SDK1: variants seen among roughly 807,000 people sequenced by gnomAD.
SDK1 encodes the protein sidekick cell adhesion molecule 1, also known as protein sidekick-1.
In SDK1, 157 loss-of-function variants were observed where a neutral mutation model predicts 245.5. The observed-to-expected ratio is 0.64, with a 90% confidence interval of 0.56 to 0.73. The LOEUF (loss-of-function observed/expected upper bound fraction) is 0.73. Ranked by LOEUF, SDK1 falls within the 30% of genes least tolerant of loss-of-function variation. SDK1 has a pLI of 0.00. For synonymous variants in SDK1, 1,647 were observed against 1,278.5 expected, an observed-to-expected ratio of 1.29 and a Z score of -6.15; for missense variants, 3,583 against 3,002.3, an observed-to-expected ratio of 1.19 and a Z score of -4.52.
chr7:3,603,755 T>G (rs1203513344), intron 1 of SDK1, among the ~76,000 whole-genome samples: 2 of 152,188 alleles, frequency 1.3e-5, no homozygotes, highest in Non-Finnish European at 2.9e-5. Flanking sequence ...ATCCCTGTCT[T>G]GTGCCCGTTT....
chr7:3,417,096 C>T (rs1779387818), intron 1 of SDK1, among the ~76,000 whole-genome samples: 1 of 152,100 alleles, frequency 6.6e-6, no homozygotes, highest in Admixed American at 6.6e-5. Context: ...ATCCCCTGAA[C>T]CCAGGAGGTG....
At position 3,642,100 on chromosome 7, in the gene SDK1, C is replaced by T; in HGVS notation, c.708C>T (p.Asn236=). The change falls in exon 4 of 45, where the codon AAC becomes AAT. Residue 236 remains asparagine (N), a synonymous_variant. Transcript: ENST00000404826. Reference sequence around the variant, plus strand: ...AAGGGCACAAGATTATTCCAAGCAACAGAATGTAAGTTGCTCCAAACGTTA... The same window carrying T: ...AAGGGCACAAGATTATTCCAAGCAATAGAATGTAAGTTGCTCCAAACGTTA... The part of the protein sequence containing the change: ...FREGHKIIPS[N]RIAITLENQL... The T allele has an allele frequency of 6.2e-7, 1 of 1,613,964 alleles. No individual in the cohort carries two copies.
At chr7:3,722,184 T>G (rs1030879801) in intron 4 of SDK1, among the ~76,000 whole-genome samples, 1 of 152,078 alleles carries the variant, frequency 6.6e-6, no homozygotes, top group Admixed American at 6.5e-5. Flanking sequence ...CAGCCCAGGT[T>G]AGCAGTAAAT....
intron 4 of SDK1, among the ~76,000 whole-genome samples, chr7:3,768,542 A>T (rs189012540): frequency 1.3e-5 from 2 of 152,336 alleles, no homozygotes; most frequent in Admixed American, 6.5e-5. Context: ...ATCTGAATGG[A>T]TAGTGCAGGC....
Position 4,233,877 on chromosome 7 carries a change from G to T in SDK1, c.5992+458G>T, listed in dbSNP as rs148865197. ...CTTATGGGCTTTGTGTCCACGCTGT[G>T]CACCGGCAATTCCTAATGTGTTTCC... On this transcript the variant is annotated intron_variant, in intron 41 of 44. Transcript: ENST00000404826. Among the ~76,000 whole-genome samples, 969 of 152,266 alleles carry T rather than the reference G, an allele frequency of 6.4e-3. 7 individuals are homozygous for T. Among genetic ancestry groups the T allele is most frequent in the African/African-American group, 0.022 (910 of 41,542 alleles).
chr7:3,552,752 G>C (rs771235011), intron 1 of SDK1, among the ~76,000 whole-genome samples: 1 of 152,156 alleles, frequency 6.6e-6, no homozygotes, highest in Non-Finnish European at 1.5e-5. Flanking sequence ...GGAAATGAAA[G>C]ACTTTGAAAT....
intron 5 of SDK1, among the ~76,000 whole-genome samples, chr7:3,879,133 C>T (rs548378023): frequency 3.2e-4 from 48 of 151,386 alleles, no homozygotes; most frequent in African/African-American, 8.7e-4. Context: ...ATTCTGTGTG[C>T]GGTAACTTGC....
At chr7:3,810,719 A>G (rs1429438446) in intron 4 of SDK1, among the ~76,000 whole-genome samples, 3 of 152,194 alleles carry the variant, frequency 2.0e-5, no homozygotes, top group East Asian at 3.8e-4. Flanking sequence ...CATCTTTCCT[A>G]AAGGAAAAGA....
At chr7:3,418,962 G>A (rs750944949) in intron 1 of SDK1, among the ~76,000 whole-genome samples, 1 of 152,220 alleles carries the variant, frequency 6.6e-6, no homozygotes, top group Admixed American at 6.5e-5. Context: ...GTTAGCTCTT[G>A]TAGGGACCAT....
chr7:4,133,374 G>A (rs948899435), intron 28 of SDK1, among the ~76,000 whole-genome samples: 2 of 152,232 alleles, frequency 1.3e-5, no homozygotes, highest in Non-Finnish European at 2.9e-5. Flanking sequence ...CGTATGTACA[G>A]TGGGGGGTGA....
chr7:3,887,887 AAGATTTGCTGGTATTGGGTT>A (rs1781374416), intron 5 of SDK1, among the ~76,000 whole-genome samples: 2 of 152,224 alleles, frequency 1.3e-5, no homozygotes, highest in Admixed American at 1.3e-4. Context: ...CAACTGACGT[AAGATTTGCTGGTATTGGGTT>A]TTCTGCAAAT....
chr7:3,349,361 A>T (rs1043823461), intron 1 of SDK1, among the ~76,000 whole-genome samples: 1 of 152,030 alleles, frequency 6.6e-6, no homozygotes, highest in African/African-American at 2.4e-5. Context: ...TACTCATCTG[A>T]AAAAGAAGCC....
chr7:4,007,264 A>G (rs911033575), intron 14 of SDK1, among the ~76,000 whole-genome samples: 5 of 152,200 alleles, frequency 3.3e-5, no homozygotes, highest in Non-Finnish European at 7.3e-5. Context: ...GTAGCCTCAG[A>G]GCGGGTTTCA....
intron 1 of SDK1, among the ~76,000 whole-genome samples, chr7:3,451,235 A>G (rs1007909950): frequency 6.6e-6 from 1 of 152,054 alleles, no homozygotes; most frequent in Non-Finnish European, 1.5e-5. Flanking sequence ...GAAAGGGGCA[A>G]TTGTTGTGAA....
At chr7:4,259,903 C>T (rs1787872795) in intron 44 of SDK1, among the ~76,000 whole-genome samples, 1 of 152,206 alleles carries the variant, frequency 6.6e-6, no homozygotes, top group Non-Finnish European at 1.5e-5. Flanking sequence ...CACCCAGCCT[C>T]TCTCGCTGAG....
At chr7:4,112,605 C>G (rs1783419156) in intron 23 of SDK1, among the ~76,000 whole-genome samples, 2 of 152,152 alleles carry the variant, frequency 1.3e-5, no homozygotes, top group Admixed American at 6.5e-5. Flanking sequence ...TTATCCTAAA[C>G]TTGAATCAGG....
At chr7:4,232,411 C>CTT (rs71032930) in intron 40 of SDK1, among the ~76,000 whole-genome samples, 1,300 of 98,762 alleles carry the variant, frequency 0.013, 21 homozygotes, top group African/African-American at 0.03. Context: ...TCTTTTCTTT[C>CTT]TTTTTTTTTT....
intron 1 of SDK1, among the ~76,000 whole-genome samples, chr7:3,531,236 C>T (rs1047244754): frequency 6.6e-6 from 1 of 152,124 alleles, no homozygotes; most frequent in Non-Finnish European, 1.5e-5. Flanking sequence ...TTGATCACAT[C>T]GAGCATATTT....
intron 5 of SDK1, among the ~76,000 whole-genome samples, chr7:3,824,500 G>T (rs1354975950): frequency 1.3e-5 from 2 of 152,170 alleles, no homozygotes; most frequent in Non-Finnish European, 2.9e-5. Flanking sequence ...AAATCGGAGT[G>T]TCATGCAGCC....
Sources: gnomAD v4.1 joint callset for allele counts (sites outside exome capture counted in the v4.1 genomes callset) on GRCh38, gnomAD v4.1.1 for gene constraint, MANE v1.5 for transcripts, NCBI Gene and HGNC (gene_info 2026-07-23, HGNC 2026-07-21) for gene names.